Variants in BUD23 observed in about 807,000 individuals in gnomAD.
BUD23 encodes the protein BUD23 rRNA methyltransferase and ribosome maturation factor, also known as 18S rRNA (guanine-N(7))-methyltransferase.
Under a neutral mutation model 47.0 loss-of-function variants are expected in BUD23, and 34 were observed. The observed-to-expected ratio is 0.72, with a 90% CI of 0.55 to 0.96. The LOEUF is 0.96. BUD23 is among the 40% of genes least tolerant of loss of function. BUD23 has a pLI of 0.00. For missense variants in BUD23, 343 were observed against 361.2 expected (o/e 0.95, Z 0.41); for synonymous variants, 124 against 132.0 (o/e 0.94, Z 0.41).
At position 73,698,140 on chromosome 7, in the gene BUD23, A is replaced by C; in HGVS notation, c.*254A>C. On this transcript the variant is annotated 3_prime_UTR_variant, in exon 12 of 12. Transcript: ENST00000265758. ...ATGAAACTTCCTTTCCAGGGAGGAA[A>C]AAAAAAAAAAAAAAAAGCTCTGAGA... is the stretch of plus-strand genomic sequence containing the variant. 1 of 267,468 alleles carries C rather than the reference A, an allele frequency of 3.7e-6. No homozygotes were observed. Among genetic ancestry groups the C allele is most frequent in the Non-Finnish European group, 6.8e-6 (1 of 147,138 alleles). 16.6% of individuals were successfully genotyped at this position (267,468 alleles called of 1,614,324 possible).
At chr7:73,688,104 G>A (rs1554613402) in intron 5 of BUD23, among the ~76,000 whole-genome samples, 1 of 151,948 alleles carries the variant, frequency 6.6e-6, no homozygotes, top group African/African-American at 2.4e-5. Flanking sequence ...CACCATGTTA[G>A]CCAGGATGGT....
rs542900212 is a variant in BUD23, at chr7:73,690,007, G to A, written c.363-909G>A. Among the ~76,000 whole-genome samples the A allele has an allele frequency of 3.9e-4, 60 of 151,992 alleles. No individual in the cohort carries two copies. The Middle Eastern group carries it at 0.017, about 43-fold the overall frequency. ...AAGGAAGACATAGTGACTGGTTGAG[G>A]TTTTATTTATTTATTTTTTGAGATG... On this transcript the variant is annotated intron_variant, in intron 5 of 11. Transcript: ENST00000265758.
rs1563551579 is a variant in BUD23 at position 73,686,561 on chromosome 7, T to TG, written c.87-75_87-74insG. ...GTTTTTAACTTGGCTTTTTTTTGTTTTTTGTTTTTTGGTCTGGGGGAAGTA... is the reference window on the plus strand; with the variant it reads ...GTTTTTAACTTGGCTTTTTTTTGTTTGTTTGTTTTTTGGTCTGGGGGAAGTA... On this transcript the variant is annotated intron_variant, in intron 2 of 11. Coordinates refer to ENST00000265758, the MANE Select transcript of BUD23 (RefSeq NM_017528.5). 6 of 1,363,974 alleles carry TG rather than the reference T, an allele frequency of 4.4e-6. No individual in the cohort carries two copies. The African/African-American group carries it at 5.9e-5, about 13-fold the overall frequency. The allele number at this position is 1,363,974 out of a possible 1,614,324, so 84.5% of individuals were successfully genotyped here.
chr7:73,698,156 A>G lies in BUD23; in HGVS notation c.*270A>G, dbSNP rs1021132413. On this transcript the variant is annotated 3_prime_UTR_variant, in exon 12 of 12. Transcript: ENST00000265758. ...AGGGAGGAAAAAAAAAAAAAAAAAA[A>G]GCTCTGAGAGCATCTTATTTTGTTT... 1.6e-5 allele frequency: 5 copies of G among 311,858 alleles called. No homozygotes were observed. The East Asian group carries it at 1.7e-4, about 11-fold the overall frequency. The allele number at this position is 311,858 out of a possible 1,614,324, so 19.3% of individuals were successfully genotyped here. A position where few individuals can be genotyped will look rare whatever the true frequency, so the allele number is the denominator to read the frequency against.
At chr7:73,693,889 C>T (rs1048585385) in intron 9 of BUD23, 103 bp from the exon 10 acceptor site, 28 of 1,465,204 alleles carry the variant, frequency 1.9e-5, no homozygotes, top group Middle Eastern at 2.2e-4. Flanking sequence ...GACTGGACCT[C>T]GTCCCTGTCG....
At position 73,697,695 on chromosome 7, in the gene BUD23, G is replaced by A. The variant is rs1554615119; in HGVS notation, c.791+1G>A. On this transcript the variant is annotated splice_donor_variant, in intron 11 of 11. Transcript: ENST00000265758. LOFTEE classifies it high-confidence loss of function. ...AGGAGCGGCACAGGCGCCAGGGCAG[G>A]TGAGTGCCAGCCTGGGAGCTGGCAG... is the stretch of plus-strand genomic sequence containing the variant. 2 of 1,611,360 alleles carry A rather than the reference G, an allele frequency of 1.2e-6. No homozygotes were observed. Among genetic ancestry groups the A allele is most frequent in the Non-Finnish European group, 1.7e-6 (2 of 1,179,360 alleles).
At chr7:73,685,003 C>T (rs1797905699) in intron 2 of BUD23, among the ~76,000 whole-genome samples, 1 of 144,540 alleles carries the variant, frequency 6.9e-6, no homozygotes, top group Admixed American at 7.0e-5. Context: ...AGAGACTAGC[C>T]CTATTTCAGT....
At chr7:73,694,354 G>A in intron 10 of BUD23, 2 of 334,372 alleles carry the variant, frequency 6.0e-6, no homozygotes, top group South Asian at 5.1e-5. Flanking sequence ...ACCTGCATCT[G>A]GGACCCTCTC....
chr7:73,683,768 T>C lies in BUD23; in HGVS notation c.50T>C (p.Phe17Ser), dbSNP rs370479426. The C allele has an allele frequency of 6.2e-7, 1 of 1,614,026 alleles. No homozygotes were observed. Residue 17 changes from phenylalanine to serine, a missense_variant and splice_region_variant, in exon 2 of 12, where the codon TTT becomes TCT. Coordinates refer to ENST00000265758, the MANE Select transcript of BUD23 (RefSeq NM_017528.5). Reference sequence around the variant, plus strand: ...CATGCCATTTTCTCTTTTTCGCAGTTTTATGACGAGACAGAAGCCCGGAAA... The same window carrying C: ...CATGCCATTTTCTCTTTTTCGCAGTCTTATGACGAGACAGAAGCCCGGAAA... ...RPEHGGPPEL[F>S]YDETEARKYV...
Position 73,697,918 on chromosome 7 carries a change from T to C in BUD23, c.*32T>C, listed in dbSNP as rs1554615217. 1 of 1,593,974 alleles carries C rather than the reference T, an allele frequency of 6.3e-7. No individual in the cohort carries two copies. The highest frequency in any genetic ancestry group is 8.5e-7 in the Non-Finnish European group (1 of 1,173,920). On this transcript the variant is annotated 3_prime_UTR_variant, in exon 12 of 12. Transcript: ENST00000265758. ...ACGCGGTTCTGGAAAGGCACTTGCC[T>C]CTGCACTTTTCTATATTGTTCAGCT...
chr7:73,684,978 C>G (rs1343963213), intron 2 of BUD23, among the ~76,000 whole-genome samples: 1 of 138,108 alleles, frequency 7.2e-6, no homozygotes, highest in African/African-American at 2.8e-5. Context: ...GTGGTTTTTC[C>G]GTGCTCTCTC....
At chr7:73,694,300 C>G in intron 10 of BUD23, 1 of 437,500 alleles carries the variant, frequency 2.3e-6, no homozygotes, top group South Asian at 4.0e-5. Flanking sequence ...CTTCCCCTTG[C>G]CACGCCTGGC....
intron 10 of BUD23, chr7:73,695,035 C>G (rs1460173618): frequency 6.6e-6 from 1 of 152,434 alleles, no homozygotes; most frequent in African/African-American, 2.4e-5. Flanking sequence ...ACTGCAGCCT[C>G]GAACTCCTGG....
At position 73,697,858 on chromosome 7, in the gene BUD23, C is replaced by A; in HGVS notation, c.818C>A (p.Thr273Asn). The part of the protein sequence containing the change: ...GREVRPDTQY[T>N]GRKRKPRF ...GAAGTCAGACCTGACACCCAGTACA[C>A]CGGCCGCAAGCGCAAGCCCCGCTTC... Residue 273 changes from threonine to asparagine, a missense_variant, in exon 12 of 12, where the codon ACC (threonine) becomes AAC (asparagine). Thr to Asn is a moderately conservative substitution (Grantham distance 65, BLOSUM62 0). Transcript: ENST00000265758. 6.2e-7 allele frequency: 1 copy of A among 1,613,858 alleles called. No individual in the cohort carries two copies. The highest frequency in any genetic ancestry group is 8.5e-7 in the Non-Finnish European group (1 of 1,179,950).
At chr7:73,687,154 T>C in intron 5 of BUD23, 59 bp downstream of exon 5, 2 of 1,549,200 alleles carry the variant, frequency 1.3e-6, no homozygotes, top group Non-Finnish European at 1.8e-6. Context: ...CTCTATCACT[T>C]AGGCTCTAGT....
chr7:73,697,548 G>T, intron 10 of BUD23, 57 bp from the exon 11 acceptor site: 3 of 1,612,450 alleles, frequency 1.9e-6, no homozygotes, highest in Non-Finnish European at 8.5e-7. Context: ...ATGGGGGCCA[G>T]TCGGGCAGCC....
intron 10 of BUD23, chr7:73,696,712 T>C (rs1210614125): frequency 1.3e-5 from 2 of 152,212 alleles, no homozygotes; most frequent in African/African-American, 4.8e-5. Context: ...GAAAAAGTTT[T>C]TTAAGTCTTT....
At chr7:73,693,510 G>C (rs958801325) in intron 8 of BUD23, 96 bp downstream of exon 8, 2 of 1,596,178 alleles carry the variant, frequency 1.3e-6, no homozygotes, top group Non-Finnish European at 1.7e-6. Flanking sequence ...GAGTGCTGGG[G>C]TGTGGGTCAC....
intron 5 of BUD23, among the ~76,000 whole-genome samples, chr7:73,690,193 C>T (rs1411421558): frequency 9.9e-5 from 15 of 151,970 alleles, no homozygotes; most frequent in African/African-American, 3.1e-4. Context: ...TTAGTAGAGA[C>T]GGGGTTTCAC....
Sources: gnomAD v4.1 joint callset for allele counts (sites outside exome capture counted in the v4.1 genomes callset) on GRCh38, gnomAD v4.1.1 for gene constraint, MANE v1.5 for transcripts, NCBI Gene and HGNC (gene_info 2026-07-23, HGNC 2026-07-21) for gene names.